Variants in HECTD4 observed in about 807,000 individuals in gnomAD.
HECTD4 encodes probable E3 ubiquitin-protein ligase HECTD4.
In HECTD4, 114 loss-of-function variants were observed where a neutral mutation model predicts 471.5. The ratio of observed to expected loss-of-function variants is 0.24; its 90% CI spans 0.21 to 0.28. HECTD4 has a LOEUF of 0.28. HECTD4 is among the 10% of genes least tolerant of loss of function. The probability of loss-of-function intolerance (pLI) is 1.00; values close to 1 mark genes in which losing one functional copy is unlikely to be tolerated. For synonymous variants in HECTD4, 2,012 were observed against 2,256.0 expected (o/e 0.89, Z 3.07); for missense variants, 3,866 against 5,651.5 (o/e 0.68, Z 10.13).
At chr12:112,242,612 TAA>T (rs34693763) in intron 32 of HECTD4, among the ~76,000 whole-genome samples, 12 of 131,200 alleles carry the variant, frequency 9.1e-5, no homozygotes, top group East Asian at 2.2e-4. Context: ...AGAATCTGCT[TAA>T]AAAAAAAAAA....
At position 112,193,461 on chromosome 12, in the gene HECTD4, A is replaced by G; in HGVS notation, c.8955+8T>C. The G allele has an allele frequency of 6.2e-7, 1 of 1,601,980 alleles. No homozygotes were observed. The highest frequency in any genetic ancestry group is 8.5e-7 in the Non-Finnish European group (1 of 1,173,946). On this transcript the variant is annotated splice_region_variant and intron_variant, in intron 57 of 75. Transcript: ENST00000682272. The surrounding 1 kb of genome is among the most constrained non-coding windows in gnomAD (Gnocchi z 5.2). Reference sequence around the variant, plus strand: ...CACACTGCAGGAACATGAGCTTTAGACTTCTACCTGCAGGAAAGAGCAGAT... The same window carrying G: ...CACACTGCAGGAACATGAGCTTTAGGCTTCTACCTGCAGGAAAGAGCAGAT...
chr12:112,165,918 C>G (rs974444714), intron 72 of HECTD4, among the ~76,000 whole-genome samples: 6 of 152,180 alleles, frequency 3.9e-5, no homozygotes, highest in Non-Finnish European at 7.4e-5. Flanking sequence ...CGGGTCTAAG[C>G]CTGGAGTCTC....
chr12:112,270,600 C>A, intron 11 of HECTD4, 141 bp from the exon 12 acceptor site: 1 of 702,208 alleles, frequency 1.4e-6, no homozygotes, highest in Non-Finnish European at 2.4e-6. Context: ...TGCCAGAGAA[C>A]GCTTCTCCCT....
chr12:112,270,760 A>C (rs1357045493), intron 11 of HECTD4, among the ~76,000 whole-genome samples: 1 of 152,146 alleles, frequency 6.6e-6, no homozygotes, highest in Non-Finnish European at 1.5e-5. Flanking sequence ...TGTTTTGTAG[A>C]GCAATAAACC....
intron 1 of HECTD4, among the ~76,000 whole-genome samples, chr12:112,367,306 A>AAAAGAAAGAAAGAAAGAAAGAAAGAAAG (rs3031822): frequency 2.6e-4 from 35 of 133,890 alleles, no homozygotes; most frequent in African/African-American, 9.3e-4. Context: ...CTCAAAAAAA[A>AAAAGAAAGAAAGAAAGAAAGAAAGAAAG]AAAGAAAGAA....
intron 1 of HECTD4, among the ~76,000 whole-genome samples, chr12:112,348,230 G>A (rs965031016): frequency 1.3e-5 from 2 of 152,114 alleles, no homozygotes; most frequent in African/African-American, 4.8e-5. Context: ...GCATTAGGAG[G>A]AGCATATACT....
intron 1 of HECTD4, among the ~76,000 whole-genome samples, chr12:112,377,082 A>G (rs1016913757): frequency 2.0e-5 from 3 of 152,176 alleles, no homozygotes; most frequent in Non-Finnish European, 4.4e-5. Flanking sequence ...ACTGCATTCC[A>G]GCCTGGGAAA....
At position 112,195,007 on chromosome 12, in the gene HECTD4, T is replaced by C. The variant is rs1431420616; in HGVS notation, c.8627A>G (p.Asn2876Ser). ...ARLYCRMALL[N>S]IFAPKLPHLF... ...GTGAGGCAACTTCGGGGCGAAGATA[T>C]TGAGCAGGGCCATGCGGCAGTACAG... is the stretch of plus-strand genomic sequence containing the variant. Residue 2876 changes from asparagine to serine, a missense_variant, in exon 56 of 76, where the codon AAT becomes AGT. Coordinates refer to ENST00000682272, the MANE Select transcript of HECTD4 (RefSeq NM_001388303.1). 2.0e-5 allele frequency: 33 copies of C among 1,611,102 alleles called. No individual in the cohort carries two copies. Among genetic ancestry groups the C allele is most frequent in the Non-Finnish European group, 2.6e-5 (31 of 1,178,804 alleles).
chr12:112,282,402 A>C (rs919281139), intron 8 of HECTD4, among the ~76,000 whole-genome samples: 1 of 152,166 alleles, frequency 6.6e-6, no homozygotes, highest in African/African-American at 2.4e-5. Flanking sequence ...AAACAAAAAC[A>C]AAAAACAACA....
At chr12:112,164,934 T>C (rs915649919) in intron 72 of HECTD4, among the ~76,000 whole-genome samples, 28 of 151,046 alleles carry the variant, frequency 1.9e-4, no homozygotes, top group Non-Finnish European at 3.0e-4. Flanking sequence ...CTTTTTCTTT[T>C]TTTTTTTTTT....
chr12:112,382,368 G>T lies in HECTD4; in HGVS notation c.-240C>A. On this transcript the variant is annotated 5_prime_UTR_variant, in exon 1 of 76. Transcript: ENST00000682272. ...GCCGCCGCCGCCGCCGCCCTCAGGA[G>T]CAGGATCCGCCTCTGCCGCTCGGCA... The T allele has an allele frequency of 5.4e-6, 2 of 368,994 alleles. No homozygotes were observed. The highest frequency in any genetic ancestry group is 9.5e-6 in the Non-Finnish European group (2 of 210,972). The allele number at this position is 368,994 out of a possible 1,614,324, so 22.9% of individuals were successfully genotyped here.
chr12:112,337,883 C>T lies in HECTD4; in HGVS notation c.178-18141G>A, dbSNP rs73425431. Among the ~76,000 whole-genome samples, 770 of 152,298 alleles carry T rather than the reference C, an allele frequency of 5.1e-3. 4 individuals are homozygous for T. The highest frequency in any genetic ancestry group is 0.017 in the African/African-American group (714 of 41,560). ...AAGAATGTGGAGCAATTCTTTGACA[C>T]TCCTGGTAGAAATAGAAATTGGTTC... On this transcript the variant is annotated intron_variant, in intron 1 of 75. Coordinates refer to ENST00000682272, the MANE Select transcript of HECTD4 (RefSeq NM_001388303.1).
At position 112,355,487 on chromosome 12, in the gene HECTD4, C is replaced by T. The variant is rs552284873; in HGVS notation, c.177+26465G>A. 2.7e-5 allele frequency among the ~76,000 whole-genome samples: 4 copies of T among 149,998 alleles called. No homozygotes were observed. The South Asian group carries it at 6.4e-4, about 24-fold the overall frequency. ...CAAAAATAAAAATAAAGGCCAGGCA[C>T]GGTGGCTCACACCAGTAATCCCAGC... is the stretch of plus-strand genomic sequence containing the variant. On this transcript the variant is annotated intron_variant, in intron 1 of 75. Coordinates refer to ENST00000682272, the MANE Select transcript of HECTD4 (RefSeq NM_001388303.1).
At chr12:112,224,268 CTT>C (rs1275351500) in intron 44 of HECTD4, among the ~76,000 whole-genome samples, 23 of 140,230 alleles carry the variant, frequency 1.6e-4, no homozygotes, top group Admixed American at 2.9e-4. Context: ...ATTAAGGATT[CTT>C]TTTTTTTTTT....
chr12:112,210,657 G>C (rs915768360), intron 49 of HECTD4, among the ~76,000 whole-genome samples: 1 of 152,212 alleles, frequency 6.6e-6, no homozygotes, highest in Non-Finnish European at 1.5e-5. Context: ...CACTTCTTCA[G>C]ATTAAGAGAT....
At chr12:112,371,924 G>A (rs991513508) in intron 1 of HECTD4, among the ~76,000 whole-genome samples, 38 of 145,638 alleles carry the variant, frequency 2.6e-4, no homozygotes, top group African/African-American at 9.4e-4. Flanking sequence ...AGAAAATTCC[G>A]CAGGGATCAC....
At chr12:112,260,971 A>G (rs1181007252) in intron 18 of HECTD4, among the ~76,000 whole-genome samples, 1 of 152,152 alleles carries the variant, frequency 6.6e-6, no homozygotes, top group Non-Finnish European at 1.5e-5. Flanking sequence ...AGTCTTTATC[A>G]TGAGGAAACT....
intron 25 of HECTD4, 57 bp from the exon 26 acceptor site, chr12:112,248,569 T>A: frequency 2.7e-6 from 3 of 1,129,968 alleles, no homozygotes; most frequent in Non-Finnish European, 2.4e-6. Flanking sequence ...TTCTCAATAC[T>A]GTATTTTATT....
intron 32 of HECTD4, among the ~76,000 whole-genome samples, chr12:112,241,149 T>C (rs1462193649): frequency 6.6e-6 from 1 of 152,214 alleles, no homozygotes; most frequent in Non-Finnish European, 1.5e-5. Context: ...TTGTAGGTGA[T>C]TTTCATTGTA....
Sources: gnomAD v4.1 joint callset for allele counts (sites outside exome capture counted in the v4.1 genomes callset) on GRCh38, gnomAD v4.1.1 for gene constraint, Gnocchi (gnomAD v3.1) non-coding constraint, MANE v1.5 for transcripts, NCBI Gene and HGNC (gene_info 2026-07-23, HGNC 2026-07-21) for gene names.